DYNC2H1: variants seen among roughly 807,000 people sequenced by gnomAD.
The protein encoded by DYNC2H1 is cytoplasmic dynein 2 heavy chain 1.
In DYNC2H1, 410 loss-of-function variants were observed where a neutral mutation model predicts 570.0. The observed-to-expected ratio is 0.72, with a 90% CI of 0.66 to 0.78. DYNC2H1 has a LOEUF of 0.78. DYNC2H1 is among the 30% of genes least tolerant of loss of function. DYNC2H1 has a pLI of 0.00. For missense variants in DYNC2H1, 4,865 were observed against 5,046.4 expected (o/e 0.96, Z 1.09); for synonymous variants, 1,688 against 1,677.6 (o/e 1.01, Z -0.15).
chr11:103,438,995 G>A (rs1031376632), intron 85 of DYNC2H1, among the ~76,000 whole-genome samples: 3 of 152,006 alleles, frequency 2.0e-5, no homozygotes, highest in Admixed American at 1.3e-4. Context: ...AGATAATTCC[G>A]CAAATGTGAT....
At chr11:103,341,823 C>G (rs1183476438) in intron 82 of DYNC2H1, among the ~76,000 whole-genome samples, 1 of 152,150 alleles carries the variant, frequency 6.6e-6, no homozygotes, top group Non-Finnish European at 1.5e-5. Flanking sequence ...ATACTGAGTT[C>G]CTAATGTTGT....
intron 85 of DYNC2H1, among the ~76,000 whole-genome samples, chr11:103,448,077 C>T (rs1334618992): frequency 6.6e-6 from 1 of 152,066 alleles, no homozygotes; most frequent in African/African-American, 2.4e-5. Flanking sequence ...GAAATTTTTT[C>T]CACCTTATTG....
chr11:103,262,979 C>A (rs1360512257), intron 70 of DYNC2H1, among the ~76,000 whole-genome samples: 1 of 98,544 alleles, frequency 1.0e-5, no homozygotes, highest in African/African-American at 3.9e-5. Context: ...CACATAGGCC[C>A]AAAATAAAGG....
At chr11:103,396,708 T>A (rs185317600) in intron 83 of DYNC2H1, among the ~76,000 whole-genome samples, 1 of 152,236 alleles carries the variant, frequency 6.6e-6, no homozygotes, top group Admixed American at 6.5e-5. Flanking sequence ...AAATTTTTCT[T>A]GCCTAAATGA....
At chr11:103,415,563 T>A (rs1371864951) in intron 84 of DYNC2H1, among the ~76,000 whole-genome samples, 1 of 152,194 alleles carries the variant, frequency 6.6e-6, no homozygotes, top group Non-Finnish European at 1.5e-5. Flanking sequence ...TCATCATCAC[T>A]GGTCATCAGA....
chr11:103,341,021 A>T (rs571808862), intron 82 of DYNC2H1, among the ~76,000 whole-genome samples: 33 of 152,254 alleles, frequency 2.2e-4, no homozygotes, highest in African/African-American at 7.5e-4. Context: ...AAGCTGTAAC[A>T]TGATTGGTGG....
chr11:103,141,548 G>T (rs1859930813), intron 17 of DYNC2H1, among the ~76,000 whole-genome samples: 2 of 152,174 alleles, frequency 1.3e-5, no homozygotes, highest in Admixed American at 6.5e-5. Context: ...GCTGCTGTCT[G>T]ATCCTTCCTC....
chr11:103,250,322 A>C (rs1864780243), intron 65 of DYNC2H1, among the ~76,000 whole-genome samples: 1 of 151,840 alleles, frequency 6.6e-6, no homozygotes, highest in Admixed American at 6.6e-5. Context: ...AATATTACTA[A>C]TCTTTTCAAA....
Position 103,204,937 on chromosome 11 carries a change from G to C in DYNC2H1, c.8427G>C (p.Glu2809Asp). 6.3e-7 allele frequency: 1 copy of C among 1,591,114 alleles called. No individual in the cohort carries two copies. The highest frequency in any genetic ancestry group is 8.6e-7 in the Non-Finnish European group (1 of 1,167,514). ...AGAAATGCCAGGTGTTGTGGATGGAGGGTTGGTCCAATAGCAGTATGAAGA... is the reference window on the plus strand; with the variant it reads ...AGAAATGCCAGGTGTTGTGGATGGACGGTTGGTCCAATAGCAGTATGAAGA... ...LHKKCQVLWM[E>D]GWSNSSMKKI... The change falls in exon 52 of 89, where the codon GAG becomes GAC. Residue 2809 changes from glutamate (E) to aspartate (D), a missense_variant. Around this residue, in one of 5 missense-constraint regions of DYNC2H1, gnomAD observed 2,401 missense variants for 2,454.6 expected, o/e 0.98. Coordinates refer to ENST00000375735, the MANE Select transcript of DYNC2H1 (RefSeq NM_001377.3). This position sits in a 1 kb window ranked among gnomAD's most constrained non-coding sequence, Gnocchi z 4.1.
chr11:103,385,982 G>T (rs1304512403), intron 83 of DYNC2H1, among the ~76,000 whole-genome samples: 1 of 152,120 alleles, frequency 6.6e-6, no homozygotes, highest in Admixed American at 6.6e-5. Context: ...TACTATGAGA[G>T]AATTAATAAG....
At chr11:103,388,841 C>T (rs1313857835) in intron 83 of DYNC2H1, among the ~76,000 whole-genome samples, 1 of 152,162 alleles carries the variant, frequency 6.6e-6, no homozygotes, top group Non-Finnish European at 1.5e-5. Flanking sequence ...CCTTGCATCC[C>T]AGGGTTGAAG....
In DYNC2H1 at chr11:103,330,663, A is replaced by G. The variant is rs78666646; in HGVS notation, c.12039+6673A>G. On this transcript the variant is annotated intron_variant, in intron 82 of 88. Transcript: ENST00000375735. The stretch of plus-strand genomic sequence containing the variant: ...TAACTTTTGTCTCCCCAAATAAATA[A>G]AACAGTTAAAATAGCACTTAGTAAA... 1.2e-3 allele frequency among the ~76,000 whole-genome samples: 178 copies of G among 151,872 alleles called. 2 individuals carry two copies. The highest frequency in any genetic ancestry group is 4.0e-3 in the African/African-American group (166 of 41,486).
chr11:103,162,703 G>A (rs1396921935), intron 29 of DYNC2H1, among the ~76,000 whole-genome samples: 1 of 152,020 alleles, frequency 6.6e-6, no homozygotes, highest in Non-Finnish European at 1.5e-5. Context: ...TGAATGGGTC[G>A]ACTTTTAAAT....
Position 103,245,413 on chromosome 11 carries a change from A to C in DYNC2H1, c.10042+39A>C. On this transcript the variant is annotated intron_variant, in intron 65 of 88. Coordinates refer to ENST00000375735, the MANE Select transcript of DYNC2H1 (RefSeq NM_001377.3). The surrounding 1 kb of genome is among the most constrained non-coding windows in gnomAD (Gnocchi z 4.5). ...ACTTTCCAGAGTGTAAATATTTTTA[A>C]AATTTCCAAAGTAAGTAATTAAACC... 1 of 1,525,850 alleles carries C rather than the reference A, an allele frequency of 6.6e-7. No homozygotes were observed. Among genetic ancestry groups the C allele is most frequent in the Non-Finnish European group, 8.8e-7 (1 of 1,139,494 alleles). The allele number at this position is 1,525,850 out of a possible 1,614,324, so 94.5% of individuals were successfully genotyped here.
At position 103,243,998 on chromosome 11, in the gene DYNC2H1, C is replaced by G. The variant is rs1864517297; in HGVS notation, c.9918+207C>G. Among the ~76,000 whole-genome samples the G allele has an allele frequency of 1.3e-5, 2 of 151,966 alleles. No homozygotes were observed. ...TTGATTCTGGGTATTGATCTAAGCC[C>G]TGGGAATTTAATAGTGAGTTCCTTC... is the stretch of plus-strand genomic sequence containing the variant. On this transcript the variant is annotated intron_variant, in intron 64 of 88. Coordinates refer to ENST00000375735, the MANE Select transcript of DYNC2H1 (RefSeq NM_001377.3). The surrounding 1 kb of genome is among the most constrained non-coding windows in gnomAD (Gnocchi z 4.8).
At position 103,179,022 on chromosome 11, in the gene DYNC2H1, A is replaced by T; in HGVS notation, c.6140-4A>T. 1 of 1,600,412 alleles carries T rather than the reference A, an allele frequency of 6.2e-7. No homozygotes were observed. Among genetic ancestry groups the T allele is most frequent in the Non-Finnish European group, 8.5e-7 (1 of 1,170,682 alleles). On this transcript the variant is annotated splice_polypyrimidine_tract_variant and splice_region_variant and intron_variant, in intron 38 of 88. Coordinates refer to ENST00000375735, the MANE Select transcript of DYNC2H1 (RefSeq NM_001377.3). ...TTGTCTCCACTGTTTTGATTTGAAA[A>T]TAGATGTCAGCTCATGGATAATCTG...
intron 59 of DYNC2H1, among the ~76,000 whole-genome samples, chr11:103,226,239 A>G (rs1232145366): frequency 1.3e-5 from 2 of 152,102 alleles, no homozygotes; most frequent in East Asian, 1.9e-4. Context: ...GCTAGAACTT[A>G]CAGTGCTATG....
At chr11:103,429,521 C>T (rs1238994809) in intron 84 of DYNC2H1, among the ~76,000 whole-genome samples, 1 of 152,052 alleles carries the variant, frequency 6.6e-6, no homozygotes, top group East Asian at 1.9e-4. Flanking sequence ...GAACAAAGGT[C>T]TTGTTAAGAT....
chr11:103,364,165 G>A (rs749568875), intron 83 of DYNC2H1, among the ~76,000 whole-genome samples: 1 of 152,106 alleles, frequency 6.6e-6, no homozygotes, highest in Non-Finnish European at 1.5e-5. Context: ...ATCTAATGCA[G>A]TACCTACATT....
Sources: gnomAD v4.1 joint callset for allele counts (sites outside exome capture counted in the v4.1 genomes callset) on GRCh38, gnomAD v4.1.1 for gene constraint, gnomAD v4.1.1 regional missense constraint, Gnocchi (gnomAD v3.1) non-coding constraint, MANE v1.5 for transcripts, NCBI Gene and HGNC (gene_info 2026-07-23, HGNC 2026-07-21) for gene names.